Variants in CNKSR2 observed in about 807,000 individuals in gnomAD.
CNKSR2 encodes the protein connector enhancer of kinase suppressor of Ras 2.
CNKSR2 carries 14 observed loss-of-function variants against 84.4 expected under a neutral mutation model. The observed-to-expected ratio is 0.17, with a 90% CI of 0.11 to 0.26. The LOEUF (loss-of-function observed/expected upper bound fraction) is 0.26, where lower values mean the gene tolerates loss of function less well. CNKSR2 is among the 10% of genes least tolerant of loss of function. The probability of loss-of-function intolerance (pLI) is 1.00; values close to 1 mark genes in which losing one functional copy is unlikely to be tolerated. For missense variants in CNKSR2, 485 were observed against 771.2 expected (o/e 0.63, Z 4.40); for synonymous variants, 275 against 277.9 (o/e 0.99, Z 0.10).
chrX:21,422,434 T>C (rs1236756352), intron 1 of CNKSR2: 8 of 112,071 alleles, frequency 7.1e-5, no homozygotes. Flanking sequence ...CTGATGCTCT[T>C]TCCTACTGTG....
At chrX:21,504,360 C>A (rs1264461002) in intron 8 of CNKSR2, 1 of 111,636 alleles carries the variant, frequency 9.0e-6, no homozygotes, top group Non-Finnish European at 1.9e-5. Context: ...AATATTAATT[C>A]TCTAATCCAT....
intron 20 of CNKSR2, among the ~76,000 whole-genome samples, chrX:21,634,808 G>A (rs1350516124): frequency 1.9e-5 from 2 of 107,364 alleles, no homozygotes; most frequent in African/African-American, 6.8e-5. Flanking sequence ...TTTAATATGA[G>A]AGTAAGAATA....
intron 13 of CNKSR2, among the ~76,000 whole-genome samples, chrX:21,574,412 T>C (rs2092306196): frequency 8.9e-6 from 1 of 111,765 alleles, no homozygotes; most frequent in South Asian, 3.8e-4. Context: ...TCGGTAATTA[T>C]AAAGGAAAGA....
intron 5 of CNKSR2, among the ~76,000 whole-genome samples, chrX:21,487,841 C>T (rs1272912943): frequency 8.9e-6 from 1 of 112,176 alleles, no homozygotes. Flanking sequence ...GGATGGGCCA[C>T]ATAATTTGTG....
chrX:21,524,120 A>G (rs1478125224), intron 9 of CNKSR2, among the ~76,000 whole-genome samples: 1 of 110,614 alleles, frequency 9.0e-6, no homozygotes, highest in African/African-American at 3.3e-5. Context: ...CACAGTTAGT[A>G]GAGAGAAATA....
chrX:21,434,275 A>T (rs998882751), intron 3 of CNKSR2, among the ~76,000 whole-genome samples: 6 of 111,731 alleles, frequency 5.4e-5, no homozygotes, highest in Non-Finnish European at 9.4e-5. Context: ...GTGAATAGAA[A>T]ATGTTTTTAC....
intron 1 of CNKSR2, among the ~76,000 whole-genome samples, chrX:21,396,066 A>G (rs2090117926): frequency 9.1e-6 from 1 of 109,717 alleles, no homozygotes; most frequent in Non-Finnish European, 1.9e-5. Flanking sequence ...ATATTCTTTC[A>G]CCACTGAAAA....
chrX:21,597,282 A>C lies in CNKSR2; in HGVS notation c.1976+1887A>C, dbSNP rs1026806427. Among the ~76,000 whole-genome samples the C allele has an allele frequency of 3.6e-5, 4 of 111,338 alleles. No individual in the cohort carries two copies. The Admixed American group carries it at 3.8e-4, about 11-fold the overall frequency. ...ATGCTGATGTCACTGCTCTTTCCTA[A>C]TATTTTGTGGCTGTATCTGGTTCGG... On this transcript the variant is annotated intron_variant, in intron 17 of 21. Transcript: ENST00000379510.
At chrX:21,642,024 C>A (rs2092693241) in intron 20 of CNKSR2, 1 of 756,313 alleles carries the variant, frequency 1.3e-6, no homozygotes, top group Non-Finnish European at 1.6e-6. Context: ...AAAATTCTGG[C>A]TGTTTAATGG....
intron 1 of CNKSR2, among the ~76,000 whole-genome samples, chrX:21,375,614 C>T (rs756500666): frequency 8.9e-6 from 1 of 112,200 alleles, no homozygotes; most frequent in East Asian, 2.8e-4. Context: ...CTGCCTCCAG[C>T]GCATCCCCTC....
At chrX:21,446,271 A>G (rs772765067) in intron 4 of CNKSR2, among the ~76,000 whole-genome samples, 1 of 111,007 alleles carries the variant, frequency 9.0e-6, no homozygotes, top group South Asian at 3.7e-4. Flanking sequence ...TTTTTTTCTG[A>G]AAAAAAATGT....
At chrX:21,456,841 C>T (rs1403989405) in intron 4 of CNKSR2, among the ~76,000 whole-genome samples, 3 of 111,722 alleles carry the variant, frequency 2.7e-5, no homozygotes, top group Non-Finnish European at 5.7e-5. Context: ...CAACAGCAGA[C>T]AAGAATTCTC....
chrX:21,472,457 C>G (rs758514081), intron 5 of CNKSR2, among the ~76,000 whole-genome samples: 4 of 111,728 alleles, frequency 3.6e-5, no homozygotes, highest in Non-Finnish European at 5.6e-5. Flanking sequence ...TTGGCTGCTA[C>G]GAACTTAAGA....
intron 20 of CNKSR2, among the ~76,000 whole-genome samples, chrX:21,638,573 C>T (rs542833267): frequency 5.4e-5 from 6 of 111,570 alleles, no homozygotes; most frequent in African/African-American, 1.9e-4. Context: ...TCTGTTTCTT[C>T]TTAACCTAAG....
At chrX:21,543,957 G>T (rs1035428656) in intron 11 of CNKSR2, among the ~76,000 whole-genome samples, 1 of 111,237 alleles carries the variant, frequency 9.0e-6, no homozygotes, top group African/African-American at 3.3e-5. Flanking sequence ...GAGTAGCTGG[G>T]ATTACAGGCG....
chrX:21,581,649 G>A (rs1048959330), intron 13 of CNKSR2, among the ~76,000 whole-genome samples: 5 of 111,700 alleles, frequency 4.5e-5, no homozygotes, highest in African/African-American at 1.6e-4. Flanking sequence ...GACAGGATGC[G>A]CTGACAGATT....
intron 20 of CNKSR2, among the ~76,000 whole-genome samples, chrX:21,624,885 T>G (rs1222276542): frequency 1.8e-5 from 2 of 112,446 alleles, no homozygotes. Context: ...ATCTGACATA[T>G]TTCTATATTA....
At chrX:21,424,814 CTG>C (rs2090544093) in intron 1 of CNKSR2, 1 of 111,886 alleles carries the variant, frequency 8.9e-6, no homozygotes, top group Non-Finnish European at 1.9e-5. Context: ...CTGTTTAGCT[CTG>C]TGACACTGTA....
At chrX:21,395,128 C>T (rs1455995117) in intron 1 of CNKSR2, among the ~76,000 whole-genome samples, 2 of 111,375 alleles carry the variant, frequency 1.8e-5, no homozygotes, top group Non-Finnish European at 3.8e-5. Context: ...TTCTTATTAC[C>T]AGCAGTTTTG....
Sources: gnomAD v4.1 joint callset for allele counts (sites outside exome capture counted in the v4.1 genomes callset) on GRCh38, gnomAD v4.1.1 for gene constraint, MANE v1.5 for transcripts, NCBI Gene and HGNC (gene_info 2026-07-23, HGNC 2026-07-21) for gene names.